Variants in GRIK3 observed in about 807,000 individuals in gnomAD.
The protein encoded by GRIK3 is glutamate ionotropic receptor kainate type subunit 3, also known as glutamate receptor ionotropic, kainate 3.
A neutral mutation model predicts 102.5 loss-of-function variants in GRIK3; 29 were observed. That is an observed-to-expected ratio of 0.28 (90% CI 0.21 to 0.39). The LOEUF is 0.39. Ranked by LOEUF, GRIK3 falls within the 10% of genes least tolerant of loss-of-function variation. The pLI is 1.00. For synonymous variants in GRIK3, 511 were observed against 504.9 expected (o/e 1.01, Z -0.16); for missense variants, 908 against 1,252.4 (o/e 0.73, Z 4.15).
Position 37,034,502 on chromosome 1 carries a change from G to T in GRIK3, c.-394C>A, listed in dbSNP as rs1642866627. On this transcript the variant is annotated 5_prime_UTR_variant, in exon 1 of 16. Transcript: ENST00000373091. ...TCCTCCAGCCGCCGCCGATGCTATC[G>T]CCCGGGCTCGCACAAAGCCCCGGAG... 6.6e-6 allele frequency among the ~76,000 whole-genome samples: 1 copy of T among 151,776 alleles called. No homozygotes were observed. The highest frequency in any genetic ancestry group is 2.4e-5 in the African/African-American group (1 of 41,328).
At chr1:36,956,773 G>A (rs1028313856) in intron 1 of GRIK3, among the ~76,000 whole-genome samples, 1 of 152,222 alleles carries the variant, frequency 6.6e-6, no homozygotes, top group Non-Finnish European at 1.5e-5. Context: ...TGACTCTGGG[G>A]GATGAACACA....
intron 1 of GRIK3, among the ~76,000 whole-genome samples, chr1:37,032,905 A>C (rs1557471031): frequency 6.6e-6 from 1 of 152,122 alleles, no homozygotes; most frequent in Non-Finnish European, 1.5e-5. Context: ...CTGGCAGCCC[A>C]AGGTCCGCCC....
At chr1:36,816,293 A>C (rs1402771312) in intron 13 of GRIK3, among the ~76,000 whole-genome samples, 1 of 152,232 alleles carries the variant, frequency 6.6e-6, no homozygotes, top group Non-Finnish European at 1.5e-5. Flanking sequence ...CCCAGCATTT[A>C]GCGCAGCTCT....
chr1:36,841,294 C>A (rs1000780270), intron 10 of GRIK3, among the ~76,000 whole-genome samples: 3 of 152,200 alleles, frequency 2.0e-5, no homozygotes, highest in Non-Finnish European at 4.4e-5. Context: ...TCCCACTAGA[C>A]CCAGAGTTAC....
At chr1:36,860,558 G>A (rs1640710605) in intron 5 of GRIK3, among the ~76,000 whole-genome samples, 1 of 152,164 alleles carries the variant, frequency 6.6e-6, no homozygotes, top group African/African-American at 2.4e-5. Context: ...TGCCTCCTAG[G>A]AGCAGCTGAG....
chr1:37,008,145 C>T (rs982627168), intron 1 of GRIK3, among the ~76,000 whole-genome samples: 3 of 152,196 alleles, frequency 2.0e-5, no homozygotes, highest in Non-Finnish European at 4.4e-5. Context: ...CCTGCCACTG[C>T]CAAGTGGACT....
chr1:36,871,687 C>T (rs1387759821), intron 4 of GRIK3, among the ~76,000 whole-genome samples: 1 of 152,200 alleles, frequency 6.6e-6, no homozygotes, highest in Non-Finnish European at 1.5e-5. Flanking sequence ...CACTGCAGAG[C>T]TGAGCAGATG....
At chr1:36,804,918 C>T (rs1347011016) in intron 15 of GRIK3, 69 bp downstream of exon 15, 7 of 1,567,268 alleles carry the variant, frequency 4.5e-6, no homozygotes. Flanking sequence ...GTGCCTGGCA[C>T]ATACAGGAGT....
intron 15 of GRIK3, among the ~76,000 whole-genome samples, chr1:36,804,109 T>C (rs905894533): frequency 6.6e-6 from 1 of 152,234 alleles, no homozygotes; most frequent in Non-Finnish European, 1.5e-5. Flanking sequence ...TCGAGTATTA[T>C]CTTTCCCCCT....
In GRIK3 at chr1:36,923,393, C is replaced by T. The variant is rs147232080; in HGVS notation, c.116-32297G>A. On this transcript the variant is annotated intron_variant, in intron 1 of 15. Coordinates refer to ENST00000373091, the MANE Select transcript of GRIK3 (RefSeq NM_000831.4). Reference sequence around the variant, plus strand: ...CAGGGAAAGGGCAGGGAAGAGACACCCAAGGGGGCATCCCCAGGTCTGACT... The same window carrying T: ...CAGGGAAAGGGCAGGGAAGAGACACTCAAGGGGGCATCCCCAGGTCTGACT... 5.9e-5 allele frequency among the ~76,000 whole-genome samples: 9 copies of T among 152,214 alleles called. No homozygotes were observed. In the East Asian group the frequency reaches 1.7e-3, roughly 30 times the overall value.
At chr1:36,870,921 TG>T (rs1295865143) in intron 4 of GRIK3, among the ~76,000 whole-genome samples, 1 of 29,218 alleles carries the variant, frequency 3.4e-5, no homozygotes, top group African/African-American at 1.1e-4. Context: ...GTCTGGGTGG[TG>T]GGGGTTGGGG....
Position 36,844,246 on chromosome 1 carries a change from T to C in GRIK3, c.1327-2307A>G, listed in dbSNP as rs150861819. On this transcript the variant is annotated intron_variant, in intron 9 of 15. Transcript: ENST00000373091. Reference sequence around the variant, plus strand: ...ACTAGCCAGGGATTCTGAGTCTAACTGGGTAGGAAGCTGGACCCTCGGCTA... The same window carrying C: ...ACTAGCCAGGGATTCTGAGTCTAACCGGGTAGGAAGCTGGACCCTCGGCTA... 1.9e-3 allele frequency among the ~76,000 whole-genome samples: 282 copies of C among 152,318 alleles called. 1 individual carries two copies. Among genetic ancestry groups the C allele is most frequent in the African/African-American group, 6.7e-3 (277 of 41,568 alleles).
intron 1 of GRIK3, among the ~76,000 whole-genome samples, chr1:37,018,031 T>C (rs190264603): frequency 6.6e-6 from 1 of 152,296 alleles, no homozygotes; most frequent in African/African-American, 2.4e-5. Flanking sequence ...ACTGATTGCC[T>C]CACTTCTCCT....
At chr1:36,979,160 C>G (rs1642223356) in intron 1 of GRIK3, among the ~76,000 whole-genome samples, 1 of 152,220 alleles carries the variant, frequency 6.6e-6, no homozygotes, top group Non-Finnish European at 1.5e-5. Context: ...GTATCCACCT[C>G]CAATTTAATA....
At chr1:36,908,980 C>T (rs1053015127) in intron 1 of GRIK3, among the ~76,000 whole-genome samples, 1 of 152,136 alleles carries the variant, frequency 6.6e-6, no homozygotes, top group African/African-American at 2.4e-5. Flanking sequence ...ATGCTGCATG[C>T]CTTCCACTCA....
chr1:36,804,210 A>C (rs1282794666), intron 15 of GRIK3, among the ~76,000 whole-genome samples: 1 of 152,114 alleles, frequency 6.6e-6, no homozygotes, highest in Non-Finnish European at 1.5e-5. Context: ...GGGCCCTTCT[A>C]TATATAATTT....
chr1:36,996,929 G>C (rs1284354925), intron 1 of GRIK3, among the ~76,000 whole-genome samples: 1 of 152,228 alleles, frequency 6.6e-6, no homozygotes, highest in Non-Finnish European at 1.5e-5. Context: ...ACAGTTGTGG[G>C]GGAGGGTGCT....
At chr1:36,975,972 G>GGA (rs771204030) in intron 1 of GRIK3, among the ~76,000 whole-genome samples, 1 of 152,228 alleles carries the variant, frequency 6.6e-6, no homozygotes, top group Non-Finnish European at 1.5e-5. Flanking sequence ...TCCTGAAAGA[G>GGA]GAGAGTCTCC....
In GRIK3 at chr1:36,801,876, G is replaced by A. The variant is rs771085373; in HGVS notation, c.2735C>T (p.Thr912Ile). 7 of 1,610,992 alleles carry A rather than the reference G, an allele frequency of 4.3e-6. No individual in the cohort carries two copies. The highest frequency in any genetic ancestry group is 2.2e-5 in the East Asian group (1 of 44,870). Residue 912 changes from threonine to isoleucine, a missense_variant, in exon 16 of 16, where the codon ACA becomes ATA. This residue lies in a region of GRIK3 where 297 missense variants were observed against 362.7 expected (regional missense o/e 0.82). Transcript: ENST00000373091. ...CTAGGGGAACACAGGGGCTAAGGATGTGCTGCAGGCCATGCTGTCCTTGCC... is the reference window on the plus strand; with the variant it reads ...CTAGGGGAACACAGGGGCTAAGGATATGCTGCAGGCCATGCTGTCCTTGCC... The part of the protein sequence containing the change: ...LPGKDSMACS[T>I]SLAPVFP
Sources: gnomAD v4.1 joint callset for allele counts (sites outside exome capture counted in the v4.1 genomes callset) on GRCh38, gnomAD v4.1.1 for gene constraint, gnomAD v4.1.1 regional missense constraint, MANE v1.5 for transcripts, NCBI Gene and HGNC (gene_info 2026-07-23, HGNC 2026-07-21) for gene names.